RNF24: variants seen among roughly 807,000 people sequenced by gnomAD.
RNF24 encodes ring finger protein 24.
RNF24 carries 14 observed loss-of-function variants against 20.0 expected under a neutral mutation model. The ratio of observed to expected loss-of-function variants is 0.70; its 90% CI spans 0.46 to 1.10. The LOEUF (loss-of-function observed/expected upper bound fraction) is 1.10. Ranked by LOEUF, RNF24 falls within the 50% of genes least tolerant of loss-of-function variation. The pLI, the probability that RNF24 is intolerant of heterozygous loss-of-function variation, is 0.00. For synonymous variants in RNF24, 45 were observed against 61.1 expected (o/e 0.74, Z 1.23); for missense variants, 124 against 177.6 (o/e 0.70, Z 1.71).
chr20:3,946,983 G>C (rs1002318324), intron 3 of RNF24, among the ~76,000 whole-genome samples: 1 of 152,094 alleles, frequency 6.6e-6, no homozygotes, highest in Non-Finnish European at 1.5e-5. Flanking sequence ...ACGAGGTCAA[G>C]AGATCAAGAC....
chr20:4,007,738 C>CAA (rs1161702317), intron 1 of RNF24, among the ~76,000 whole-genome samples: 12,605 of 56,188 alleles, frequency 0.22, 1,002 homozygotes, highest in Non-Finnish European at 0.3. Context: ...CCTGTCTCTA[C>CAA]AAAAAAAAAA....
rs117268167 is a variant in RNF24, at chr20:3,929,389, G to A, written c.*4674C>T. On this transcript the variant is annotated 3_prime_UTR_variant, in exon 6 of 6. Coordinates refer to ENST00000358395, the MANE Select transcript of RNF24 (RefSeq NM_001134337.3). ...ACTCCAGTCTGGGTAACAAGACCCT[G>A]TCTCAACAACAACGAAAAGTTGGGA... 695 of 152,476 alleles carry A rather than the reference G, an allele frequency of 4.6e-3. 14 individuals carry two copies. Among genetic ancestry groups the A allele is most frequent in the Admixed American group, 0.029 (450 of 15,308 alleles). The allele number at this position is 152,476 out of a possible 1,614,324, so 9.4% of individuals were successfully genotyped here.
chr20:4,012,538 T>C (rs1982547584), intron 1 of RNF24, among the ~76,000 whole-genome samples: 1 of 152,226 alleles, frequency 6.6e-6, no homozygotes, highest in Non-Finnish European at 1.5e-5. Flanking sequence ...AGATCCTAGT[T>C]AACAAAGTGT....
chr20:4,005,959 T>C (rs1981832362), intron 1 of RNF24, among the ~76,000 whole-genome samples: 1 of 152,204 alleles, frequency 6.6e-6, no homozygotes, highest in Non-Finnish European at 1.5e-5. Context: ...AATTATGATA[T>C]TAAATCTGCT....
At chr20:3,964,076 G>A in intron 1 of RNF24, 52 bp from the exon 2 acceptor site, 1 of 1,537,924 alleles carries the variant, frequency 6.5e-7, no homozygotes, top group Non-Finnish European at 8.9e-7. Context: ...TAAGAACCAA[G>A]ACAGCATTAT....
Position 3,933,863 on chromosome 20 carries a change from G to C in RNF24, c.*200C>G. On this transcript the variant is annotated 3_prime_UTR_variant, in exon 6 of 6. Transcript: ENST00000358395. The stretch of plus-strand genomic sequence containing the variant: ...CTCATCCACTCCTCTTCTCTCGGCA[G>C]GGGGTAGTGTCAAAGTGCTTTGGTT... 1 of 409,408 alleles carries C rather than the reference G, an allele frequency of 2.4e-6. No homozygotes were observed. The highest frequency in any genetic ancestry group is 4.3e-6 in the Non-Finnish European group (1 of 235,048). 25.4% of individuals were successfully genotyped at this position (409,408 alleles called of 1,614,324 possible).
intron 2 of RNF24, among the ~76,000 whole-genome samples, chr20:3,954,874 G>A (rs2091124102): frequency 6.6e-6 from 1 of 151,732 alleles, no homozygotes; most frequent in East Asian, 1.9e-4. Flanking sequence ...ACTCTAGCCC[G>A]GGTGACAGTG....
At chr20:3,937,302 T>C (rs138047280) in intron 4 of RNF24, among the ~76,000 whole-genome samples, 1 of 152,308 alleles carries the variant, frequency 6.6e-6, no homozygotes, top group Admixed American at 6.5e-5. Flanking sequence ...CTCAGATGAC[T>C]TCCTAGAAGC....
chr20:4,007,776 C>T (rs1199188567), intron 1 of RNF24, among the ~76,000 whole-genome samples: 1 of 149,786 alleles, frequency 6.7e-6, no homozygotes, highest in Non-Finnish European at 1.5e-5. Context: ...ATTAGCCTGG[C>T]ATGCTGGTGT....
At chr20:3,942,335 A>ATT (rs879326719) in intron 4 of RNF24, among the ~76,000 whole-genome samples, 9 of 132,706 alleles carry the variant, frequency 6.8e-5, no homozygotes, top group African/African-American at 1.1e-4. Flanking sequence ...GGCCCAGTTA[A>ATT]TTTTTTTTTT....
intron 4 of RNF24, among the ~76,000 whole-genome samples, chr20:3,941,703 G>A (rs1346342318): frequency 1.3e-5 from 2 of 152,118 alleles, no homozygotes; most frequent in Non-Finnish European, 2.9e-5. Context: ...TATTGGCAGA[G>A]TGGATAAAGA....
chr20:3,997,844 TGGGGACCATC>T (rs1335633712), intron 1 of RNF24, among the ~76,000 whole-genome samples: 1 of 152,234 alleles, frequency 6.6e-6, no homozygotes, highest in African/African-American at 2.4e-5. Flanking sequence ...TAAGAAATAA[TGGGGACCATC>T]GGCAATACAT....
At position 3,935,026 on chromosome 20, in the gene RNF24, C is replaced by A; in HGVS notation, c.276G>T (p.Gly92=). ...GGAAGGCGTGCTTACATGGGCAAAT[C>A]CCCAACTCATCTCGAGGCTTGAAGT... The part of the protein sequence containing the change: ...LEDFKPRDEL[G]ICPCKHAFHR... Residue 92 remains glycine, a synonymous_variant, in exon 5 of 6, where the codon GGG becomes GGT. Coordinates refer to ENST00000358395, the MANE Select transcript of RNF24 (RefSeq NM_001134337.3). 1.2e-6 allele frequency: 2 copies of A among 1,613,982 alleles called. No individual in the cohort carries two copies. The highest frequency in any genetic ancestry group is 1.7e-6 in the Non-Finnish European group (2 of 1,179,922).
chr20:3,977,364 T>C (rs1344906398), intron 1 of RNF24, among the ~76,000 whole-genome samples: 1 of 152,086 alleles, frequency 6.6e-6, no homozygotes, highest in Non-Finnish European at 1.5e-5. Context: ...TGTTTTAAAA[T>C]GTAGGGAGCC....
chr20:3,943,618 C>G (rs1476350865), intron 4 of RNF24, among the ~76,000 whole-genome samples: 1 of 152,024 alleles, frequency 6.6e-6, no homozygotes, highest in Non-Finnish European at 1.5e-5. Flanking sequence ...GCTGGGGATA[C>G]TATGGTGAAA....
chr20:3,947,409 A>G (rs953304749), intron 3 of RNF24, among the ~76,000 whole-genome samples: 1 of 152,238 alleles, frequency 6.6e-6, no homozygotes, highest in East Asian at 1.9e-4. Context: ...TTGAGAAAAG[A>G]TAAGTGTATT....
chr20:3,964,133 G>T, intron 1 of RNF24, 109 bp from the exon 2 acceptor site: 1 of 791,390 alleles, frequency 1.3e-6, no homozygotes, highest in East Asian at 2.7e-5. Context: ...AAACAAATAT[G>T]GTAGACAAAG....
intron 4 of RNF24, among the ~76,000 whole-genome samples, chr20:3,938,722 T>C (rs1401486407): frequency 6.6e-6 from 1 of 152,288 alleles, no homozygotes; most frequent in Middle Eastern, 3.4e-3. Context: ...TTCAAGATAA[T>C]GTCCTTTGAA....
rs1197568763 is a variant in RNF24, at chr20:3,928,394, C to T, written c.*5669G>A. ...GGGAAGCGAGGCACAAGTCTGTGCCCCTACTCCCAGGGCTGCCTGGAGGAA... is the reference window on the plus strand; with the variant it reads ...GGGAAGCGAGGCACAAGTCTGTGCCTCTACTCCCAGGGCTGCCTGGAGGAA... On this transcript the variant is annotated 3_prime_UTR_variant, in exon 6 of 6. Coordinates refer to ENST00000358395, the MANE Select transcript of RNF24 (RefSeq NM_001134337.3). 6.6e-6 allele frequency: 1 copy of T among 152,146 alleles called. No homozygotes were observed. Among genetic ancestry groups the T allele is most frequent in the African/African-American group, 2.4e-5 (1 of 41,418 alleles). The allele number at this position is 152,146 out of a possible 1,614,324, so 9.4% of individuals were successfully genotyped here. A position where few individuals can be genotyped will look rare whatever the true frequency, so the allele number is the denominator to read the frequency against.
Sources: allele counts gnomAD v4.1 joint callset (sites outside exome capture counted in the v4.1 genomes callset), GRCh38; gene constraint gnomAD v4.1.1; transcripts MANE v1.5; gene names NCBI Gene and HGNC (gene_info 2026-07-23, HGNC 2026-07-21).